The following FAM13B variants were observed in gnomAD, a reference collection of about 807,000 sequenced individuals.
The protein encoded by FAM13B is protein FAM13B.
Under a neutral mutation model 117.3 loss-of-function variants are expected in FAM13B, and 60 were observed. The observed-to-expected ratio is 0.51, with a 90% CI of 0.42 to 0.63. The LOEUF (loss-of-function observed/expected upper bound fraction) is 0.63. Among genes scored for constraint, FAM13B ranks in the 30% least tolerant of loss-of-function variants. FAM13B has a pLI of 0.00. For missense variants in FAM13B, 972 were observed against 1,091.9 expected (o/e 0.89, Z 1.55); for synonymous variants, 332 against 356.1 (o/e 0.93, Z 0.76).
intron 6 of FAM13B, among the ~76,000 whole-genome samples, chr5:138,007,713 G>T (rs1446465638): frequency 6.6e-6 from 1 of 152,204 alleles, no homozygotes; most frequent in Non-Finnish European, 1.5e-5. Flanking sequence ...GTAAGCACAA[G>T]TCAAGGTTAT....
chr5:137,944,787 T>C (rs1762986414), intron 20 of FAM13B, among the ~76,000 whole-genome samples: 1 of 150,828 alleles, frequency 6.6e-6, no homozygotes, highest in African/African-American at 2.4e-5. Flanking sequence ...AACAAAATCA[T>C]GTCCTTTGGG....
intron 7 of FAM13B, among the ~76,000 whole-genome samples, chr5:138,002,144 T>C (rs1327631179): frequency 1.3e-5 from 2 of 152,174 alleles, no homozygotes; most frequent in African/African-American, 4.8e-5. Context: ...GTTATACTAA[T>C]GAAATCAGCT....
chr5:137,952,203 C>G (rs1765221651), intron 17 of FAM13B, among the ~76,000 whole-genome samples: 1 of 152,144 alleles, frequency 6.6e-6, no homozygotes, highest in South Asian at 2.1e-4. Context: ...ACAATTTAGT[C>G]TTTGTGGTAT....
chr5:137,992,969 T>A (rs987419771), intron 7 of FAM13B, among the ~76,000 whole-genome samples: 1 of 145,072 alleles, frequency 6.9e-6, no homozygotes, highest in Non-Finnish European at 1.5e-5. Flanking sequence ...GCAAAATGGA[T>A]AATTGTGGTG....
rs375326817 is a variant in FAM13B, at chr5:137,941,955, T to C, written c.2679A>G (p.Gln893=). 82 of 1,613,760 alleles carry C rather than the reference T, an allele frequency of 5.1e-5. No individual in the cohort carries two copies. The highest frequency in any genetic ancestry group is 6.9e-5 in the Non-Finnish European group (82 of 1,179,876). The change falls in exon 23 of 24, where the codon CAA becomes CAG. Residue 893 remains glutamine, a synonymous_variant. Transcript: ENST00000689681. ...GATGCTCAACAAACCTTCCATTTTG[T>C]TGATAAAATGCTTCTTCAAATTCCC... is the stretch of plus-strand genomic sequence containing the variant. ...TLREFEEAFY[Q]QNGRNAQKED...
intron 10 of FAM13B, among the ~76,000 whole-genome samples, chr5:137,966,536 G>A (rs1770018156): frequency 6.8e-6 from 1 of 146,100 alleles, no homozygotes; most frequent in South Asian, 2.2e-4. Flanking sequence ...GAAAGAGAGA[G>A]AGAAACTCTT....
chr5:137,942,113 T>C, intron 22 of FAM13B, 68 bp from the exon 23 acceptor site: 1 of 1,334,888 alleles, frequency 7.5e-7, no homozygotes, highest in Non-Finnish European at 1.1e-6. Context: ...GAGGTTCTAT[T>C]TCTGGCTGCA....
chr5:138,050,291 G>T lies in FAM13B; in HGVS notation c.-203+1587C>A, dbSNP rs10060359. 8.4e-3 allele frequency among the ~76,000 whole-genome samples: 1,277 copies of T among 152,180 alleles called. 19 individuals carry two copies. The highest frequency in any genetic ancestry group is 0.029 in the African/African-American group (1,209 of 41,518). ...TGTCCCTACTAAAAATAAAAAATTG[G>T]CCAGGCGTGGTGATGCACGCCTGTA... On this transcript the variant is annotated intron_variant, in intron 1 of 3. Coordinates refer to the FAM13B transcript ENST00000502471.
chr5:138,042,857 T>G (rs894090859), intron 1 of FAM13B, among the ~76,000 whole-genome samples: 1 of 152,116 alleles, frequency 6.6e-6, no homozygotes, highest in African/African-American at 2.4e-5. Flanking sequence ...TTTGGGAGGC[T>G]GAGGAGGGTG....
At chr5:138,019,625 C>T (rs1786131516) in intron 2 of FAM13B, among the ~76,000 whole-genome samples, 1 of 152,102 alleles carries the variant, frequency 6.6e-6, no homozygotes, top group Admixed American at 6.6e-5. Flanking sequence ...AAATGATGGG[C>T]TAATAAGAAC....
At chr5:137,976,845 T>C (rs1774168836) in intron 10 of FAM13B, among the ~76,000 whole-genome samples, 1 of 152,174 alleles carries the variant, frequency 6.6e-6, no homozygotes, top group Non-Finnish European at 1.5e-5. Flanking sequence ...ATGATTGTAT[T>C]AACTGCACAA....
In FAM13B at chr5:137,949,124, G is replaced by A. The variant is rs780424953; in HGVS notation, c.1991C>T (p.Thr664Ile). ...AGAAGAGCCAAAGCTTTTTGGAAGT[G>A]TGTTACTACGTGGACGTGTCTGAGG... The part of the protein sequence containing the change: ...FVPQTRPRSN[T>I]LPKSFGSSLD... The change falls in exon 18 of 24, where the codon ACA becomes ATA. Residue 664 changes from threonine (T) to isoleucine (I), a missense_variant. Physicochemically the swap from Thr to Ile is moderately conservative, Grantham distance 89. Transcript: ENST00000689681. The A allele has an allele frequency of 3.1e-6, 5 of 1,614,010 alleles. No individual in the cohort carries two copies. The African/African-American group carries it at 5.3e-5, about 17-fold the overall frequency.
At chr5:137,993,188 T>C (rs1171983209) in intron 7 of FAM13B, among the ~76,000 whole-genome samples, 2 of 152,118 alleles carry the variant, frequency 1.3e-5, no homozygotes, top group Non-Finnish European at 2.9e-5. Flanking sequence ...ATCACCTTAG[T>C]AGGGAGGGAG....
At position 137,992,022 on chromosome 5, in the gene FAM13B, G is replaced by T. The variant is rs558429157; in HGVS notation, c.849-3707C>A. 5.9e-5 allele frequency among the ~76,000 whole-genome samples: 9 copies of T among 152,008 alleles called. No homozygotes were observed. In the East Asian group the frequency reaches 1.6e-3, roughly 26 times the overall value. On this transcript the variant is annotated intron_variant, in intron 7 of 23. Coordinates refer to ENST00000689681, the MANE Select transcript of FAM13B (RefSeq NM_001385994.1). ...CTACAGCCTCCACGTCCGTCTCAAG[G>T]GATTCTCCTGCCTCAGACCGCCAAA...
chr5:138,035,291 G>A (rs148778947), upstream of FAM13B, among the ~76,000 whole-genome samples: 2,917 of 151,902 alleles, frequency 0.019, 33 homozygotes, highest in Non-Finnish European at 0.027. Context: ...GATTACAGGC[G>A]TGAGCCACCG....
intron 1 of FAM13B, among the ~76,000 whole-genome samples, chr5:138,046,349 T>C (rs933764254): frequency 2.6e-5 from 4 of 152,194 alleles, no homozygotes; most frequent in Non-Finnish European, 4.4e-5. Context: ...GCCAAGCAAC[T>C]GATTACTGTA....
intron 10 of FAM13B, among the ~76,000 whole-genome samples, chr5:137,981,955 G>A (rs940449814): frequency 4.6e-5 from 7 of 152,168 alleles, no homozygotes; most frequent in Admixed American, 4.6e-4. Context: ...GTAAGCTAAG[G>A]AGATATCCAC....
intron 10 of FAM13B, among the ~76,000 whole-genome samples, chr5:137,978,105 A>G (rs183271686): frequency 3.0e-4 from 45 of 152,110 alleles, no homozygotes; most frequent in African/African-American, 9.9e-4. Context: ...TTTACCTCAC[A>G]ACTATTACTT....
intron 10 of FAM13B, among the ~76,000 whole-genome samples, chr5:137,966,152 A>C (rs1169779510): frequency 2.0e-5 from 3 of 152,024 alleles, no homozygotes; most frequent in Non-Finnish European, 4.4e-5. Context: ...TATCCAAAAT[A>C]TAGGCCGGGT....
Sources: allele counts gnomAD v4.1 joint callset (sites outside exome capture counted in the v4.1 genomes callset), GRCh38; gene constraint gnomAD v4.1.1; transcripts MANE v1.5; gene names NCBI Gene and HGNC (gene_info 2026-07-23, HGNC 2026-07-21).